PCOLCE2: variants seen among roughly 807,000 people sequenced by gnomAD.
The protein encoded by PCOLCE2 is procollagen C-endopeptidase enhancer 2.
PCOLCE2 carries 42 observed loss-of-function variants against 47.0 expected under a neutral mutation model. The observed-to-expected ratio is 0.89, with a 90% CI of 0.70 to 1.16. PCOLCE2 has a LOEUF of 1.16. Ranked by LOEUF, PCOLCE2 falls within the 50% of genes most tolerant of loss-of-function variation. The pLI is 0.00. For synonymous variants in PCOLCE2, 169 were observed against 191.7 expected (o/e 0.88, Z 0.98); for missense variants, 500 against 526.1 (o/e 0.95, Z 0.49).
intron 5 of PCOLCE2, among the ~76,000 whole-genome samples, chr3:142,835,706 G>C (rs904999812): frequency 1.3e-5 from 2 of 152,152 alleles, no homozygotes; most frequent in Non-Finnish European, 2.9e-5. Flanking sequence ...GCAGTGGCAC[G>C]ATTATAGCTC....
chr3:142,879,171 T>C (rs1933556958), intron 2 of PCOLCE2, among the ~76,000 whole-genome samples: 1 of 152,214 alleles, frequency 6.6e-6, no homozygotes, highest in Non-Finnish European at 1.5e-5. Context: ...GTGTTATCTT[T>C]ATGTTCTATT....
At chr3:142,874,925 G>A (rs1178623676) in intron 2 of PCOLCE2, among the ~76,000 whole-genome samples, 1 of 152,170 alleles carries the variant, frequency 6.6e-6, no homozygotes, top group African/African-American at 2.4e-5. Context: ...TAGGAAGACT[G>A]TCTGATAATT....
intron 2 of PCOLCE2, among the ~76,000 whole-genome samples, chr3:142,886,123 C>T (rs923582338): frequency 6.6e-6 from 1 of 152,208 alleles, no homozygotes; most frequent in Non-Finnish European, 1.5e-5. Flanking sequence ...ACAGGACATC[C>T]AGATGGAGCA....
At chr3:142,873,856 G>A (rs1230055141) in intron 2 of PCOLCE2, among the ~76,000 whole-genome samples, 1 of 152,172 alleles carries the variant, frequency 6.6e-6, no homozygotes, top group Non-Finnish European at 1.5e-5. Flanking sequence ...GGAGGACACA[G>A]GAAGAGAACA....
intron 2 of PCOLCE2, among the ~76,000 whole-genome samples, chr3:142,886,607 A>T (rs73232771): frequency 0.015 from 2,278 of 152,320 alleles, 25 homozygotes; most frequent in Non-Finnish European, 0.021. Flanking sequence ...GACCTCTCAT[A>T]TCTGCCTGCA....
intron 6 of PCOLCE2, chr3:142,826,979 C>G: frequency 1.7e-6 from 1 of 576,604 alleles, no homozygotes; most frequent in East Asian, 3.7e-5. Context: ...CTCTCCTCCT[C>G]CTGCCCTCAA....
In PCOLCE2 at chr3:142,880,761, G is replaced by A. The variant is rs541020058; in HGVS notation, c.192+6908C>T. 3.0e-4 allele frequency among the ~76,000 whole-genome samples: 46 copies of A among 152,146 alleles called. 2 individuals carry two copies. The highest frequency in any genetic ancestry group is 2.1e-4 in the Non-Finnish European group (14 of 68,030). ...GGCAATGTTACAGGAATGGCTTCACGTAATTGTTTATTAGGCATCTTTGGA... is the reference window on the plus strand; with the variant it reads ...GGCAATGTTACAGGAATGGCTTCACATAATTGTTTATTAGGCATCTTTGGA... On this transcript the variant is annotated intron_variant, in intron 2 of 8. Coordinates refer to ENST00000295992, the MANE Select transcript of PCOLCE2 (RefSeq NM_013363.4).
intron 4 of PCOLCE2, among the ~76,000 whole-genome samples, 168 bp from the exon 5 acceptor site, chr3:142,839,074 A>G (rs1009911956): frequency 6.6e-6 from 1 of 152,094 alleles, no homozygotes; most frequent in South Asian, 2.1e-4. Flanking sequence ...TAAAAAAAAA[A>G]CTGTGGTATT....
At position 142,823,560 on chromosome 3, in the gene PCOLCE2, C is replaced by T; in HGVS notation, c.921G>A (p.Leu307=). The T allele has an allele frequency of 6.2e-7, 1 of 1,610,662 alleles. No homozygotes were observed. The highest frequency in any genetic ancestry group is 2.2e-5 in the East Asian group (1 of 44,846). Residue 307 remains leucine (L), a synonymous_variant, in exon 7 of 9, where the codon CTG becomes CTA. Coordinates refer to ENST00000295992, the MANE Select transcript of PCOLCE2 (RefSeq NM_013363.4). The part of the protein sequence containing the change: ...CQQKCRRTGT[L]EGNYCSSDFV... ...AGTCACTTGAACAATAATTGCCCTC[C>T]AGAGTCCCCGTCCGTCTACACTTTT...
chr3:142,824,580 C>T (rs1937052786), intron 6 of PCOLCE2, among the ~76,000 whole-genome samples: 1 of 152,174 alleles, frequency 6.6e-6, no homozygotes, highest in African/African-American at 2.4e-5. Context: ...TGAATATCCA[C>T]AGTTGTAATA....
chr3:142,847,127 T>TA (rs1331725863), intron 3 of PCOLCE2, among the ~76,000 whole-genome samples: 2 of 152,226 alleles, frequency 1.3e-5, no homozygotes, highest in Non-Finnish European at 2.9e-5. Flanking sequence ...GACTCAAACT[T>TA]AAAGTCTGTT....
chr3:142,838,140 A>G (rs1487770477), intron 5 of PCOLCE2, among the ~76,000 whole-genome samples: 1 of 151,934 alleles, frequency 6.6e-6, no homozygotes, highest in East Asian at 1.9e-4. Context: ...TCTGCATCTG[A>G]CCCTGGGGTA....
intron 3 of PCOLCE2, 61 bp downstream of exon 3, chr3:142,848,156 C>T: frequency 6.5e-7 from 1 of 1,540,802 alleles, no homozygotes; most frequent in Non-Finnish European, 8.9e-7. Flanking sequence ...AAATAAACAT[C>T]AAGTGCCAAG....
intron 7 of PCOLCE2, among the ~76,000 whole-genome samples, chr3:142,821,980 C>T (rs762614475): frequency 6.6e-6 from 1 of 151,968 alleles, no homozygotes; most frequent in Non-Finnish European, 1.5e-5. Context: ...TGCAGTGGCA[C>T]AATCTCAGCT....
chr3:142,867,812 A>T (rs1016985044), intron 2 of PCOLCE2, among the ~76,000 whole-genome samples: 1 of 152,214 alleles, frequency 6.6e-6, no homozygotes, highest in African/African-American at 2.4e-5. Flanking sequence ...GCAGTTTCTC[A>T]TATAGTAAAG....
At chr3:142,858,728 T>C (rs1374487412) in intron 2 of PCOLCE2, among the ~76,000 whole-genome samples, 1 of 104,660 alleles carries the variant, frequency 9.6e-6, no homozygotes, top group African/African-American at 3.2e-5. Flanking sequence ...ATTTTGTGTG[T>C]GTGTGTATGT....
At chr3:142,868,591 T>G (rs935714399) in intron 2 of PCOLCE2, among the ~76,000 whole-genome samples, 1 of 152,190 alleles carries the variant, frequency 6.6e-6, no homozygotes, top group African/African-American at 2.4e-5. Context: ...GATTACCTGC[T>G]ACCTGCTCCG....
At chr3:142,833,061 C>T (rs960287435) in intron 5 of PCOLCE2, among the ~76,000 whole-genome samples, 1 of 152,138 alleles carries the variant, frequency 6.6e-6, no homozygotes, top group African/African-American at 2.4e-5. Flanking sequence ...GAATTTTGTG[C>T]TTATCATTTT....
At position 142,848,326 on chromosome 3, in the gene PCOLCE2, T is replaced by C; in HGVS notation, c.339A>G (p.Gly113=). The C allele has an allele frequency of 1.9e-6, 3 of 1,614,186 alleles. No homozygotes were observed. The highest frequency in any genetic ancestry group is 2.5e-6 in the Non-Finnish European group (3 of 1,180,032). The stretch of plus-strand genomic sequence containing the variant: ...TCTTGTTGCCACTGGACACAAGGGC[T>C]CCAGGCCGGAAAGTGCCACAGAAGC... ...IGRFCGTFRP[G]ALVSSGNKMM... Residue 113 remains glycine, a synonymous_variant, in exon 3 of 9, where the codon GGA becomes GGG. Coordinates refer to ENST00000295992, the MANE Select transcript of PCOLCE2 (RefSeq NM_013363.4).
Sources: gnomAD v4.1 joint callset for allele counts (sites outside exome capture counted in the v4.1 genomes callset) on GRCh38, gnomAD v4.1.1 for gene constraint, MANE v1.5 for transcripts, NCBI Gene and HGNC (gene_info 2026-07-23, HGNC 2026-07-21) for gene names.